DPYSL2: variants seen among roughly 807,000 people sequenced by gnomAD.
DPYSL2 encodes dihydropyrimidinase-related protein 2.
Under a neutral mutation model 69.9 loss-of-function variants are expected in DPYSL2, and 13 were observed. The ratio of observed to expected loss-of-function variants is 0.19; its 90% CI spans 0.12 to 0.30. DPYSL2 has a LOEUF of 0.30. Ranked by LOEUF, DPYSL2 falls within the 10% of genes least tolerant of loss-of-function variation. DPYSL2 has a pLI of 1.00. For synonymous variants in DPYSL2, 326 were observed against 359.1 expected (o/e 0.91, Z 1.04); for missense variants, 587 against 918.9 (o/e 0.64, Z 4.67).
In DPYSL2 at chr8:26,617,202, G is replaced by A. The variant is rs970970942; in HGVS notation, c.629-6941G>A. Among the ~76,000 whole-genome samples, 9 of 152,330 alleles carry A rather than the reference G, an allele frequency of 5.9e-5. No individual in the cohort carries two copies. Among genetic ancestry groups the A allele is most frequent in the South Asian group, 2.1e-4 (1 of 4,828 alleles). The stretch of plus-strand genomic sequence containing the variant: ...ATTAGGCAAGATGTTTCCTTTGGGG[G>A]AAACGGGGTGAAGGGTATGAAGGTT... On this transcript the variant is annotated intron_variant, in intron 3 of 13. Coordinates refer to ENST00000521913, the MANE Select transcript of DPYSL2 (RefSeq NM_001197293.3). This position sits in a 1 kb window ranked among gnomAD's most constrained non-coding sequence, Gnocchi z 4.7.
intron 1 of DPYSL2, among the ~76,000 whole-genome samples, chr8:26,551,135 C>A (rs900102451): frequency 2.6e-5 from 4 of 152,164 alleles, no homozygotes; most frequent in Non-Finnish European, 2.9e-5. Flanking sequence ...ACCCTTTGAG[C>A]AGAAGAGGGA....
intron 1 of DPYSL2, among the ~76,000 whole-genome samples, chr8:26,576,669 GCT>G (rs893592339): frequency 2.6e-5 from 4 of 152,226 alleles, no homozygotes; most frequent in East Asian, 1.9e-4. Flanking sequence ...AAGTGACAAG[GCT>G]CTGCCTGGGC....
At position 26,627,282 on chromosome 8, in the gene DPYSL2, A is replaced by G. The variant is rs1323921917; in HGVS notation, c.923A>G (p.Asp308Gly). ...AIAQVHAENG[D>G]IIAEEQQRIL... ...GCCCAAGTCCACGCAGAAAATGGCG[A>G]CATCATTGCAGAGGTACAGGGCTTT... Residue 308 changes from aspartate to glycine, a missense_variant, in exon 6 of 14, where the codon GAC becomes GGC. Transcript: ENST00000521913. The surrounding 1 kb of genome is among the most constrained non-coding windows in gnomAD (Gnocchi z 6.9). 1 of 1,614,178 alleles carries G rather than the reference A, an allele frequency of 6.2e-7. No individual in the cohort carries two copies. Among genetic ancestry groups the G allele is most frequent in the Non-Finnish European group, 8.5e-7 (1 of 1,180,032 alleles).
chr8:26,527,685 C>T (rs923658051), intron 1 of DPYSL2, among the ~76,000 whole-genome samples: 4 of 151,674 alleles, frequency 2.6e-5, no homozygotes, highest in African/African-American at 9.7e-5. Context: ...AATATTATTT[C>T]ATAAAATAAA....
At chr8:26,573,059 G>A (rs978540153) in intron 1 of DPYSL2, among the ~76,000 whole-genome samples, 3 of 152,232 alleles carry the variant, frequency 2.0e-5, no homozygotes, top group African/African-American at 4.8e-5. Context: ...TGCTGTCTCC[G>A]TGTTCTACCA....
chr8:26,612,144 C>G (rs959580322), intron 3 of DPYSL2, among the ~76,000 whole-genome samples: 6 of 152,182 alleles, frequency 3.9e-5, no homozygotes, highest in African/African-American at 1.2e-4. Context: ...AACAGACAGC[C>G]TGGTAGAGTG....
At chr8:26,528,792 T>C (rs1041799748) in intron 1 of DPYSL2, among the ~76,000 whole-genome samples, 1 of 151,902 alleles carries the variant, frequency 6.6e-6, no homozygotes, top group African/African-American at 2.4e-5. Flanking sequence ...AGCAGGGAAA[T>C]AGGTGGCCAA....
rs1403696923 is a variant in DPYSL2, at chr8:26,647,610, A to T, written c.1426-20A>T. 7.5e-6 allele frequency: 12 copies of T among 1,602,066 alleles called. No individual in the cohort carries two copies. The South Asian group carries it at 1.3e-4, about 18-fold the overall frequency. ...TTTCTGCTGTGTGCCTCCTGTGCAC[A>T]CCTATGCTGTCTCCCTCAGGTCACT... On this transcript the variant is annotated intron_variant, in intron 10 of 13. Transcript: ENST00000521913. The surrounding 1 kb of genome is among the most constrained non-coding windows in gnomAD (Gnocchi z 5.1).
chr8:26,613,096 T>A (rs1157851997), intron 3 of DPYSL2, among the ~76,000 whole-genome samples: 1 of 152,260 alleles, frequency 6.6e-6, no homozygotes, highest in Non-Finnish European at 1.5e-5. Context: ...GTTCCATTCC[T>A]GTTTTTGAAA....
chr8:26,521,945 T>C (rs1321255441), intron 1 of DPYSL2, among the ~76,000 whole-genome samples: 1 of 152,236 alleles, frequency 6.6e-6, no homozygotes, highest in East Asian at 1.9e-4. Flanking sequence ...GACATTTGGG[T>C]TGTTTCCACC....
At chr8:26,575,585 C>A (rs1423840731) in intron 1 of DPYSL2, among the ~76,000 whole-genome samples, 5 of 152,032 alleles carry the variant, frequency 3.3e-5, no homozygotes, top group Non-Finnish European at 5.9e-5. Flanking sequence ...TGGATATTTA[C>A]GAGTGGAAAC....
chr8:26,644,887 T>C lies in DPYSL2; in HGVS notation c.1425+796T>C, dbSNP rs1380894409. On this transcript the variant is annotated intron_variant, in intron 10 of 13. Coordinates refer to ENST00000521913, the MANE Select transcript of DPYSL2 (RefSeq NM_001197293.3). The surrounding 1 kb of genome is among the most constrained non-coding windows in gnomAD (Gnocchi z 4.5). Reference sequence around the variant, plus strand: ...TTTGGGCTTTTTCATTTTAATGTTTTAAAATATATTAACAGAATAGGTTTT... The same window carrying C: ...TTTGGGCTTTTTCATTTTAATGTTTCAAAATATATTAACAGAATAGGTTTT... Among the ~76,000 whole-genome samples, 1 of 152,212 alleles carries C rather than the reference T, an allele frequency of 6.6e-6. No homozygotes were observed. The highest frequency in any genetic ancestry group is 1.5e-5 in the Non-Finnish European group (1 of 68,044).
At chr8:26,550,916 G>A (rs970365588) in intron 1 of DPYSL2, among the ~76,000 whole-genome samples, 1 of 152,096 alleles carries the variant, frequency 6.6e-6, no homozygotes, top group African/African-American at 2.4e-5. Flanking sequence ...GACACCCAAG[G>A]GCAGGAGAAA....
At position 26,642,313 on chromosome 8, in the gene DPYSL2, G is replaced by A. The variant is rs1201833615; in HGVS notation, c.1127-1126G>A. 1.3e-5 allele frequency among the ~76,000 whole-genome samples: 2 copies of A among 152,280 alleles called. No homozygotes were observed. The highest frequency in any genetic ancestry group is 1.9e-4 in the East Asian group (1 of 5,178). On this transcript the variant is annotated intron_variant, in intron 8 of 13. Transcript: ENST00000521913. The surrounding 1 kb of genome is among the most constrained non-coding windows in gnomAD (Gnocchi z 5.3). ...TTCTCAGGTGAAGGGTGTGAGACCC[G>A]AGTTGTGTTTTGGACGATGTTAAAG... is the stretch of plus-strand genomic sequence containing the variant.
intron 1 of DPYSL2, among the ~76,000 whole-genome samples, chr8:26,573,384 C>T (rs200610602): frequency 1.3e-5 from 2 of 152,016 alleles, no homozygotes; most frequent in Admixed American, 6.6e-5. Context: ...AGTACCTGGG[C>T]GTGGCCGGGC....
At chr8:26,592,482 T>G (rs58544846) in intron 3 of DPYSL2, among the ~76,000 whole-genome samples, 3,725 of 150,556 alleles carry the variant, frequency 0.025, 145 homozygotes, top group African/African-American at 0.084. Flanking sequence ...TTTTGTTTTT[T>G]TTTTTTTATT....
rs1341412700 is a variant in DPYSL2, at chr8:26,597,040, T to C, written c.628+13057T>C. On this transcript the variant is annotated intron_variant, in intron 3 of 13. Coordinates refer to ENST00000521913, the MANE Select transcript of DPYSL2 (RefSeq NM_001197293.3). The surrounding 1 kb of genome is among the most constrained non-coding windows in gnomAD (Gnocchi z 5.2). ...TTATTTAAAAGTACTTTTTCTGTAA[T>C]ATATAGGCAGAAAATGATCAGATAT... Among the ~76,000 whole-genome samples the C allele has an allele frequency of 6.6e-6, 1 of 152,186 alleles. No individual in the cohort carries two copies. Among genetic ancestry groups the C allele is most frequent in the African/African-American group, 2.4e-5 (1 of 41,434 alleles).
intron 1 of DPYSL2, among the ~76,000 whole-genome samples, chr8:26,531,556 A>G (rs945729602): frequency 6.6e-6 from 1 of 152,184 alleles, no homozygotes; most frequent in African/African-American, 2.4e-5. Context: ...TGAATCATTT[A>G]TTCTGGGCCT....
chr8:26,622,687 G>C (rs912559388), intron 3 of DPYSL2, among the ~76,000 whole-genome samples: 2 of 152,032 alleles, frequency 1.3e-5, no homozygotes, highest in Non-Finnish European at 2.9e-5. Flanking sequence ...ATTTTTAGTA[G>C]ATACAGGGTT....
Sources: gnomAD v4.1 joint callset for allele counts (sites outside exome capture counted in the v4.1 genomes callset) on GRCh38, gnomAD v4.1.1 for gene constraint, Gnocchi (gnomAD v3.1) non-coding constraint, MANE v1.5 for transcripts, NCBI Gene and HGNC (gene_info 2026-07-23, HGNC 2026-07-21) for gene names.